The following PER3 variants were observed in gnomAD, a reference collection of about 807,000 sequenced individuals.
PER3 encodes the protein period circadian protein homolog 3.
Under a neutral mutation model 127.2 loss-of-function variants are expected in PER3, and 107 were observed. That is an observed-to-expected ratio of 0.84 (90% CI 0.72 to 0.99). The LOEUF is 0.99. PER3 is among the 50% of genes least tolerant of loss of function. PER3 has a pLI of 0.00. For missense variants in PER3, 1,560 were observed against 1,525.8 expected (o/e 1.02, Z -0.37); for synonymous variants, 618 against 585.8 (o/e 1.05, Z -0.79).
intron 13 of PER3, among the ~76,000 whole-genome samples, chr1:7,816,141 A>G (rs935928919): frequency 6.6e-6 from 1 of 152,092 alleles, no homozygotes; most frequent in East Asian, 1.9e-4. Context: ...CGACTCAGTA[A>G]TCTAAGCTTC....
chr1:7,805,912 T>G (rs1168809641), intron 10 of PER3, among the ~76,000 whole-genome samples: 2 of 152,198 alleles, frequency 1.3e-5, no homozygotes, highest in East Asian at 3.8e-4. Context: ...ACACTGGTAT[T>G]TACATCTTAA....
chr1:7,795,362 G>C (rs1412196721), intron 6 of PER3, among the ~76,000 whole-genome samples: 2 of 152,242 alleles, frequency 1.3e-5, no homozygotes, highest in Non-Finnish European at 2.9e-5. Context: ...TCAAATGCCT[G>C]TGTTGGCTGG....
In PER3 at chr1:7,798,671, A is replaced by G. The variant is rs572740633; in HGVS notation, c.791A>G (p.Glu264Gly). ...TVVEKIHSGY[E>G]APRIPVNKRI... ...GTTGAAAAGATTCACTCTGGTTATG[A>G]AGGTAAGTCAGTAGATAAGATGCAG... The change falls in exon 7 of 22, where the codon GAA becomes GGA. Residue 264 changes from glutamate (E) to glycine (G), a missense_variant and splice_region_variant. By Grantham distance (98) the Glu-to-Gly change is moderately conservative (BLOSUM62 -2). Transcript: ENST00000377532. The G allele has an allele frequency of 3.4e-5, 55 of 1,612,526 alleles. 1 individual carries two copies. The South Asian group carries it at 5.2e-4, about 15-fold the overall frequency.
rs530102645 is a variant in PER3, at chr1:7,827,907, C to T, written c.2886+92C>T. On this transcript the variant is annotated intron_variant, in intron 18 of 21. Transcript: ENST00000377532. ...CGTTGGGACTCAGTGCTGACATTCT[C>T]AGTAGGTAATCCGCGTGGCTACTGT... 2.0e-5 allele frequency: 19 copies of T among 947,838 alleles called. No individual in the cohort carries two copies. The South Asian group carries it at 3.0e-4, about 15-fold the overall frequency. 58.7% of individuals were successfully genotyped at this position (947,838 alleles called of 1,614,324 possible). A position where few individuals can be genotyped will look rare whatever the true frequency, so the allele number is the denominator to read the frequency against.
chr1:7,808,431 T>G (rs2097205555), intron 10 of PER3, among the ~76,000 whole-genome samples: 1 of 152,244 alleles, frequency 6.6e-6, no homozygotes, highest in African/African-American at 2.4e-5. Context: ...AATAGCTACA[T>G]TTTCACCACT....
At chr1:7,837,606 T>C (rs1006796966) in intron 21 of PER3, among the ~76,000 whole-genome samples, 1 of 152,238 alleles carries the variant, frequency 6.6e-6, no homozygotes, top group Admixed American at 6.5e-5. Context: ...CTTTTTGCTG[T>C]TATGAGTTCT....
At chr1:7,817,275 T>G (rs1481008489) in intron 13 of PER3, among the ~76,000 whole-genome samples, 1 of 152,178 alleles carries the variant, frequency 6.6e-6, no homozygotes, top group East Asian at 1.9e-4. Flanking sequence ...CCCACAGATT[T>G]GTGCACTCCA....
intron 3 of PER3, among the ~76,000 whole-genome samples, chr1:7,786,270 A>G (rs938533324): frequency 6.6e-6 from 1 of 152,180 alleles, no homozygotes; most frequent in Admixed American, 6.5e-5. Context: ...AATAATAATG[A>G]TAAAAATGCA....
In PER3 at chr1:7,842,864, AT is replaced by A. The variant is rs1400758648; in HGVS notation, c.*115del. 1 of 844,854 alleles carries A rather than the reference AT, an allele frequency of 1.2e-6. No homozygotes were observed. The highest frequency in any genetic ancestry group is 1.7e-6 in the Non-Finnish European group (1 of 574,618). The allele number at this position is 844,854 out of a possible 1,614,324, so 52.3% of individuals were successfully genotyped here. A position where few individuals can be genotyped will look rare whatever the true frequency, so the allele number is the denominator to read the frequency against. On this transcript the variant is annotated 3_prime_UTR_variant, in exon 22 of 22. Transcript: ENST00000377532. ...CATGAAGTTATCATTGAATGTTAAG[AT>A]TTTTTCTTCTTGATTTTTTAATACA...
At chr1:7,831,682 C>G (rs997946278) in intron 19 of PER3, among the ~76,000 whole-genome samples, 2 of 152,176 alleles carry the variant, frequency 1.3e-5, no homozygotes, top group African/African-American at 4.8e-5. Context: ...GTTTTCCTCC[C>G]TTATTCTATT....
chr1:7,826,681 G>A lies in PER3; in HGVS notation c.2159G>A (p.Arg720Lys), dbSNP rs1577900332. 6.2e-7 allele frequency: 1 copy of A among 1,608,812 alleles called. No homozygotes were observed. Among genetic ancestry groups the A allele is most frequent in the Non-Finnish European group, 8.5e-7 (1 of 1,175,202 alleles). ...PYSSYLQQES[R>K]SKAKYSYFQG... ...AGCTCCTATCTTCAGCAAGAAAGCA[G>A]GAGCAAAGCTAAATATTCATATTTT... The change falls in exon 17 of 22, where the codon AGG becomes AAG. Residue 720 changes from arginine (R) to lysine (K), a missense_variant. Coordinates refer to ENST00000377532, the MANE Select transcript of PER3 (RefSeq NM_001377275.1). The surrounding 1 kb of genome is among the most constrained non-coding windows in gnomAD (Gnocchi z 4.2).
rs558910102 is a variant in PER3 at position 7,824,370 on chromosome 1, C to T, written c.1958-2110C>T. Among the ~76,000 whole-genome samples the T allele has an allele frequency of 1.2e-3, 178 of 152,256 alleles. 6 individuals carry two copies. In the South Asian group the frequency reaches 0.035, roughly 30 times the overall value. On this transcript the variant is annotated intron_variant, in intron 16 of 21. Transcript: ENST00000377532. ...AACAAAATTGATAAACTCCTTATAC[C>T]AGTACAGAGTGGTCTTGGTTCATGT...
intron 16 of PER3, among the ~76,000 whole-genome samples, chr1:7,821,613 A>C (rs969591257): frequency 9.2e-5 from 14 of 152,186 alleles, no homozygotes; most frequent in African/African-American, 3.4e-4. Context: ...ACCCAATATG[A>C]AAAGCTCTTT....
At position 7,803,868 on chromosome 1, in the gene PER3, T is replaced by C. The variant is rs1456578993; in HGVS notation, c.1136+20T>C. On this transcript the variant is annotated intron_variant, in intron 10 of 21. Transcript: ENST00000377532. ...TCGAACGTAAGCCAGTCAGTTTTCA[T>C]ATTTTCTAAAACATCTCTTGTATCA... 1 of 1,598,636 alleles carries C rather than the reference T, an allele frequency of 6.3e-7. No homozygotes were observed. Among genetic ancestry groups the C allele is most frequent in the Non-Finnish European group, 8.6e-7 (1 of 1,169,078 alleles).
chr1:7,836,634 T>A (rs922017824), intron 20 of PER3, among the ~76,000 whole-genome samples: 2 of 152,202 alleles, frequency 1.3e-5, no homozygotes, highest in Admixed American at 1.3e-4. Flanking sequence ...TCTATTCAGA[T>A]CCAGACTAAA....
intron 13 of PER3, among the ~76,000 whole-genome samples, chr1:7,813,554 G>A (rs888618028): frequency 1.3e-5 from 2 of 152,132 alleles, no homozygotes; most frequent in South Asian, 4.1e-4. Flanking sequence ...GCCAAGGAAA[G>A]ACCAAAAGCT....
At chr1:7,788,505 T>C (rs1322561243) in intron 5 of PER3, 2 of 401,210 alleles carry the variant, frequency 5.0e-6, no homozygotes, top group Non-Finnish European at 9.0e-6. Context: ...GCGTATTGTA[T>C]AGTGGTTTAG....
At position 7,819,313 on chromosome 1, in the gene PER3, C is replaced by T; in HGVS notation, c.1551C>T (p.His517=). The T allele has an allele frequency of 6.2e-7, 1 of 1,613,708 alleles. No individual in the cohort carries two copies. The highest frequency in any genetic ancestry group is 8.5e-7 in the Non-Finnish European group (1 of 1,179,650). The change falls in exon 14 of 22, where the codon CAC becomes CAT. Residue 517 remains histidine (H), a synonymous_variant. Transcript: ENST00000377532. Reference sequence around the variant, plus strand: ...AATGTAAGACCTTTACTTCCTTCCACCAAACACTGAAAAACAATAGTGTGT... The same window carrying T: ...AATGTAAGACCTTTACTTCCTTCCATCAAACACTGAAAAACAATAGTGTGT... The part of the protein sequence containing the change: ...GGECKTFTSF[H]QTLKNNSVYT...
chr1:7,814,132 CAGAAT>C (rs908849049), intron 13 of PER3, among the ~76,000 whole-genome samples: 3 of 152,142 alleles, frequency 2.0e-5, no homozygotes, highest in African/African-American at 7.2e-5. Context: ...ATGAAGCAAA[CAGAAT>C]AGAGCATTCT....
Sources: allele counts gnomAD v4.1 joint callset (sites outside exome capture counted in the v4.1 genomes callset), GRCh38; gene constraint gnomAD v4.1.1; non-coding constraint Gnocchi (gnomAD v3.1); transcripts MANE v1.5; gene names NCBI Gene and HGNC (gene_info 2026-07-23, HGNC 2026-07-21).